Variants in SULT1C2 observed in about 807,000 individuals in gnomAD.
The protein encoded by SULT1C2 is sulfotransferase family 1C member 2.
SULT1C2 carries 27 observed loss-of-function variants against 36.0 expected under a neutral mutation model. That is an observed-to-expected ratio of 0.75 (90% CI 0.55 to 1.03). The LOEUF is 1.03. Among genes scored for constraint, SULT1C2 ranks in the 50% least tolerant of loss-of-function variants. SULT1C2 has a pLI of 0.00. For missense variants in SULT1C2, 395 were observed against 359.2 expected (o/e 1.10, Z -0.80); for synonymous variants, 121 against 116.0 (o/e 1.04, Z -0.27).
At chr2:108,303,540 A>T (rs1430175044) in intron 4 of SULT1C2, 1 of 152,270 alleles carries the variant, frequency 6.6e-6, no homozygotes, top group Non-Finnish European at 1.5e-5. Flanking sequence ...ATAATGGCCC[A>T]GTGTGTAAAA....
At chr2:108,299,924 T>C (rs575969368) in intron 3 of SULT1C2, 1 of 152,364 alleles carries the variant, frequency 6.6e-6, no homozygotes, top group African/African-American at 2.4e-5. Flanking sequence ...TGCACTAACT[T>C]GACCCAGCTC....
At chr2:108,307,947 G>A (rs959262119) in intron 7 of SULT1C2, among the ~76,000 whole-genome samples, 1 of 152,130 alleles carries the variant, frequency 6.6e-6, no homozygotes, top group African/African-American at 2.4e-5. Context: ...TGGACTTCAC[G>A]TAAATGGAAT....
intron 1 of SULT1C2, among the ~76,000 whole-genome samples, chr2:108,292,149 C>T (rs890636502): frequency 3.9e-5 from 6 of 151,942 alleles, no homozygotes; most frequent in East Asian, 1.9e-4. Context: ...CTTTCAGCTC[C>T]GAAGTTCTAT....
At chr2:108,294,040 G>T (rs1676661873) in intron 2 of SULT1C2, among the ~76,000 whole-genome samples, 189 bp from the exon 3 acceptor site, 1 of 152,108 alleles carries the variant, frequency 6.6e-6, no homozygotes, top group African/African-American at 2.4e-5. Flanking sequence ...TGCCTGTGCT[G>T]CTCCACTCCC....
At chr2:108,301,142 G>A (rs1676859672) in intron 4 of SULT1C2, 1 of 618,888 alleles carries the variant, frequency 1.6e-6, no homozygotes, top group Non-Finnish European at 2.7e-6. Flanking sequence ...GATCCAGATT[G>A]AATGTTTGGA....
intron 6 of SULT1C2, 67 bp downstream of exon 6, chr2:108,305,333 GT>G: frequency 6.2e-7 from 1 of 1,610,186 alleles, no homozygotes; most frequent in Non-Finnish European, 8.5e-7. Context: ...ATTCAAAGTT[GT>G]TTCAAAGGAC....
At chr2:108,298,501 G>GT (rs1676793816) in intron 3 of SULT1C2, 1 of 211,850 alleles carries the variant, frequency 4.7e-6, no homozygotes. Context: ...AGCCTCCCGA[G>GT]TAAGTAGCTG....
intron 1 of SULT1C2, 41 bp downstream of exon 1, chr2:108,289,111 T>G (rs1413034268): frequency 2.0e-5 from 3 of 152,668 alleles, no homozygotes; most frequent in African/African-American, 7.2e-5. Flanking sequence ...CCTAACTCGT[T>G]AATTTATTTT....
intron 7 of SULT1C2, among the ~76,000 whole-genome samples, chr2:108,307,326 G>A (rs902450715): frequency 5.3e-5 from 8 of 152,084 alleles, no homozygotes; most frequent in African/African-American, 1.9e-4. Context: ...ATGAAAGCTT[G>A]CTCCCTAAAA....
intron 7 of SULT1C2, among the ~76,000 whole-genome samples, chr2:108,306,161 G>A (rs1194902109): frequency 1.3e-5 from 2 of 152,144 alleles, no homozygotes; most frequent in Non-Finnish European, 2.9e-5. Flanking sequence ...TACTTCATGA[G>A]TTTCAACTAC....
rs938221739 is a variant in SULT1C2, at chr2:108,296,730, C to T, written c.277+2376C>T. ...CCTCCCAAAGCACTGAGATTATAGG[C>T]GTAAGCCACCGTGCCCAGCCAGTGG... On this transcript the variant is annotated intron_variant, in intron 3 of 7. Coordinates refer to ENST00000251481, the MANE Select transcript of SULT1C2 (RefSeq NM_001056.4). Among the ~76,000 whole-genome samples the T allele has an allele frequency of 2.2e-4, 34 of 152,302 alleles. 1 individual carries two copies. The highest frequency in any genetic ancestry group is 2.1e-4 in the South Asian group (1 of 4,818).
At chr2:108,293,442 G>A (rs533757392) in intron 1 of SULT1C2, among the ~76,000 whole-genome samples, 2 of 152,190 alleles carry the variant, frequency 1.3e-5, no homozygotes, top group Non-Finnish European at 2.9e-5. Flanking sequence ...GAGGGGGAAT[G>A]GGAATTATTG....
rs1001414189 is a variant in SULT1C2, at chr2:108,305,473, C to T, written c.656C>T (p.Thr219Ile). 1.9e-6 allele frequency: 3 copies of T among 1,613,976 alleles called. No homozygotes were observed. In the African/African-American group the frequency reaches 4.0e-5, roughly 22 times the overall value. Residue 219 changes from threonine to isoleucine, a missense_variant, in exon 7 of 8, where the codon ACA becomes ATA. Coordinates refer to ENST00000251481, the MANE Select transcript of SULT1C2 (RefSeq NM_001056.4). ...TTCATGGGAAAGAAGGTGGATGAAA[C>T]AGTGCTAGATAAAATTGTCCAGGAG... is the stretch of plus-strand genomic sequence containing the variant. ...MQFMGKKVDE[T>I]VLDKIVQETS... is the part of the protein sequence containing the mutation.
At chr2:108,307,296 C>T (rs1677049005) in intron 7 of SULT1C2, among the ~76,000 whole-genome samples, 1 of 152,182 alleles carries the variant, frequency 6.6e-6, no homozygotes, top group Admixed American at 6.5e-5. Context: ...CTCACACAGA[C>T]ACAAAGATAT....
intron 1 of SULT1C2, among the ~76,000 whole-genome samples, chr2:108,293,269 C>A (rs1009566548): frequency 6.0e-5 from 9 of 150,800 alleles, no homozygotes; most frequent in Admixed American, 1.3e-4. Flanking sequence ...CACGGATGAG[C>A]CTTGAAGAGA....
In SULT1C2 at chr2:108,308,537, A is replaced by G; in HGVS notation, c.*73A>G. 1 of 1,252,314 alleles carries G rather than the reference A, an allele frequency of 8.0e-7. No homozygotes were observed. Among genetic ancestry groups the G allele is most frequent in the South Asian group, 1.5e-5 (1 of 67,840 alleles). 77.6% of individuals were successfully genotyped at this position (1,252,314 alleles called of 1,614,324 possible). Reference sequence around the variant, plus strand: ...TATCTTCAATCCTTCAGTCCCAGCCAGAAGAATCTCTGAAAGCATATTGTG... The same window carrying G: ...TATCTTCAATCCTTCAGTCCCAGCCGGAAGAATCTCTGAAAGCATATTGTG... On this transcript the variant is annotated 3_prime_UTR_variant, in exon 8 of 8. Coordinates refer to ENST00000251481, the MANE Select transcript of SULT1C2 (RefSeq NM_001056.4).
intron 3 of SULT1C2, among the ~76,000 whole-genome samples, chr2:108,296,028 A>C (rs1676715453): frequency 6.6e-6 from 1 of 152,188 alleles, no homozygotes; most frequent in African/African-American, 2.4e-5. Flanking sequence ...GGCTTCAAGC[A>C]ATCCTCCTGC....
At position 108,297,568 on chromosome 2, in the gene SULT1C2, C is replaced by A. The variant is rs541326018; in HGVS notation, c.277+3214C>A. ...CTAGTGGGCTTGGGAATGGGCCCTG[C>A]AGCCTGGGCTGTGTCATGCACACTC... On this transcript the variant is annotated intron_variant, in intron 3 of 7. Transcript: ENST00000251481. Among the ~76,000 whole-genome samples the A allele has an allele frequency of 4.6e-5, 7 of 152,292 alleles. No homozygotes were observed. In the South Asian group the frequency reaches 6.2e-4, roughly 14 times the overall value.
chr2:108,307,652 T>C (rs1398638779), intron 7 of SULT1C2, among the ~76,000 whole-genome samples: 1 of 152,192 alleles, frequency 6.6e-6, no homozygotes, highest in African/African-American at 2.4e-5. Context: ...CTGTTTAAAA[T>C]TAGTTTAAGT....
Sources: allele counts gnomAD v4.1 joint callset (sites outside exome capture counted in the v4.1 genomes callset), GRCh38; gene constraint gnomAD v4.1.1; transcripts MANE v1.5; gene names NCBI Gene and HGNC (gene_info 2026-07-23, HGNC 2026-07-21).